Variants in DALRD3 observed in about 807,000 individuals in gnomAD.
DALRD3 encodes DALR anticodon binding domain containing 3, also known as DALR anticodon-binding domain-containing protein 3.
In DALRD3, 47 loss-of-function variants were observed where a neutral mutation model predicts 56.7. The ratio of observed to expected loss-of-function variants is 0.83; its 90% CI spans 0.66 to 1.06. The LOEUF (loss-of-function observed/expected upper bound fraction) is 1.06. Ranked by LOEUF, DALRD3 falls within the 50% of genes least tolerant of loss-of-function variation. The probability of loss-of-function intolerance (pLI) is 0.00; values close to 1 mark genes in which losing one functional copy is unlikely to be tolerated. For missense variants in DALRD3, 787 were observed against 724.0 expected, an observed-to-expected ratio of 1.09 and a Z score of -1.00; for synonymous variants, 347 against 308.5, an observed-to-expected ratio of 1.12 and a Z score of -1.31.
chr3:49,018,644 G>C, upstream of DALRD3: 2 of 1,446,882 alleles, frequency 1.4e-6, no homozygotes. Context: ...AGCTGGGGCG[G>C]GGATGCGGCG....
rs1052746715 is a variant in DALRD3 at position 49,018,265 on chromosome 3, G to A, written c.219C>T (p.Ala73=). The change falls in exon 2 of 12, where the codon GCC becomes GCT. Residue 73 remains alanine, a synonymous_variant. Coordinates refer to ENST00000341949, the MANE Select transcript of DALRD3 (RefSeq NM_001009996.3). Reference sequence around the variant, plus strand: ...GGGTCGGCGCGCAGCGCAGCACCGGGGCCACACCGGGGCCCTGCAGGCAGG... The same window carrying A: ...GGGTCGGCGCGCAGCGCAGCACCGGAGCCACACCGGGGCCCTGCAGGCAGG... The part of the protein sequence containing the change: ...ALACLQGPGV[A]PVLRCAPTPA... The A allele has an allele frequency of 6.9e-7, 1 of 1,443,158 alleles. No individual in the cohort carries two copies. The highest frequency in any genetic ancestry group is 1.5e-5 in the South Asian group (1 of 67,926). 89.4% of individuals were successfully genotyped at this position (1,443,158 alleles called of 1,614,324 possible). A position where few individuals can be genotyped will look rare whatever the true frequency, so the allele number is the denominator to read the frequency against.
Position 49,016,516 on chromosome 3 carries a change from G to A in DALRD3, c.1064-5C>T. 1 of 1,613,288 alleles carries A rather than the reference G, an allele frequency of 6.2e-7. No individual in the cohort carries two copies. The highest frequency in any genetic ancestry group is 8.5e-7 in the Non-Finnish European group (1 of 1,179,618). ...AGATCTCTGTCCAGGCTGGGTCTGA[G>A]GGAGTATAGGGTTGGTCAGTCAGTC... On this transcript the variant is annotated splice_polypyrimidine_tract_variant and splice_region_variant and intron_variant, in intron 7 of 11. Coordinates refer to ENST00000341949, the MANE Select transcript of DALRD3 (RefSeq NM_001009996.3).
intron 5 of DALRD3, 161 bp from the exon 6 acceptor site, chr3:49,017,008 T>A: frequency 1.0e-6 from 1 of 973,588 alleles, no homozygotes; most frequent in Non-Finnish European, 1.5e-6. Flanking sequence ...TACGCATGGT[T>A]CATCCTTCTC....
upstream of DALRD3, chr3:49,021,415 C>T (rs577731135): frequency 6.5e-6 from 1 of 152,746 alleles, no homozygotes; most frequent in African/African-American, 2.4e-5. This position sits in a 1 kb window ranked among gnomAD's most constrained non-coding sequence, Gnocchi z 4.1. Flanking sequence ...GCTCCACGCG[C>T]TTCTACTTCA....
At chr3:49,019,874 C>A (rs950916728), upstream of DALRD3, among the ~76,000 whole-genome samples, 2 of 152,244 alleles carry the variant, frequency 1.3e-5, no homozygotes, top group Non-Finnish European at 2.9e-5. Context: ...ACGGGCCAAC[C>A]AAATAATGCG....
chr3:49,021,067 C>T (rs1289404561), upstream of DALRD3: 1 of 158,248 alleles, frequency 6.3e-6, no homozygotes, highest in African/African-American at 2.4e-5. The surrounding 1 kb of genome is among the most constrained non-coding windows in gnomAD (Gnocchi z 4.1). Context: ...GGGACACCCC[C>T]GCGCTCGGTG....
Position 49,016,480 on chromosome 3 carries a change from G to C in DALRD3, c.1095C>G (p.Leu365=), listed in dbSNP as rs778924961. The C allele has an allele frequency of 3.0e-5, 49 of 1,614,060 alleles. No individual in the cohort carries two copies. Among genetic ancestry groups the C allele is most frequent in the Non-Finnish European group, 4.2e-5 (49 of 1,179,986 alleles). ...TCTCAAACTTGATGGTGGCCACAGAGAGAACACCAAAGATCTCTGTCCAGG... is the reference window on the plus strand; with the variant it reads ...TCTCAAACTTGATGGTGGCCACAGACAGAACACCAAAGATCTCTGTCCAGG... ...DPAWTEIFGV[L]SVATIKFEML... The change falls in exon 8 of 12, where the codon CTC becomes CTG. Residue 365 remains leucine (L), a synonymous_variant. Transcript: ENST00000341949.
chr3:49,016,141 C>T lies in DALRD3; in HGVS notation c.1329+17G>A, dbSNP rs1453251344. 8.1e-6 allele frequency: 13 copies of T among 1,612,680 alleles called. No individual in the cohort carries two copies. The highest frequency in any genetic ancestry group is 1.1e-5 in the Non-Finnish European group (13 of 1,178,964). On this transcript the variant is annotated intron_variant, in intron 9 of 11. Coordinates refer to ENST00000341949, the MANE Select transcript of DALRD3 (RefSeq NM_001009996.3). ...AGTCCAGGCCTCCTTGTGCCAGCTACCAGGAGGGACACTCACCTCATCATG... is the reference window on the plus strand; with the variant it reads ...AGTCCAGGCCTCCTTGTGCCAGCTATCAGGAGGGACACTCACCTCATCATG...
chr3:49,017,012 CCTT>C, intron 5 of DALRD3, 165 bp from the exon 6 acceptor site: 1 of 959,410 alleles, frequency 1.0e-6, no homozygotes, highest in Non-Finnish European at 1.6e-6. Context: ...CATGGTTCAT[CCTT>C]CTCAACCTGG....
upstream of DALRD3, chr3:49,020,590 G>T (rs764070771): frequency 2.1e-6 from 1 of 476,508 alleles, no homozygotes; most frequent in South Asian, 1.5e-5. Flanking sequence ...GGGGTCAGGG[G>T]CACCCCATCT....
chr3:49,017,493 CAG>C lies in DALRD3; in HGVS notation c.737_738del (p.Ser246CysfsTer4), dbSNP rs753788025. 5.6e-6 allele frequency: 9 copies of C among 1,613,998 alleles called. No homozygotes were observed. The highest frequency in any genetic ancestry group is 5.9e-6 in the Non-Finnish European group (7 of 1,180,046). ...AGAGCCTCTTGCAGCTCAGCCAGCA[CAG>C]AGAGGAGATCCTCAGTCACTGAAAA... is the stretch of plus-strand genomic sequence containing the variant. ...DNCLVTEDLLSVLAELQEALW... is the reference protein window; with the variant it reads ...DNCLVTEDLLXVLAELQEALW... On this transcript the variant is annotated frameshift_variant, in exon 4 of 12. Coordinates refer to ENST00000341949, the MANE Select transcript of DALRD3 (RefSeq NM_001009996.3). LOFTEE classifies it high-confidence loss of function.
In DALRD3 at chr3:49,018,455, GA is replaced by G; in HGVS notation, c.109del (p.Ser37ProfsTer98). 1 of 1,589,558 alleles carries G rather than the reference GA, an allele frequency of 6.3e-7. No homozygotes were observed. The highest frequency in any genetic ancestry group is 8.6e-7 in the Non-Finnish European group (1 of 1,168,494). Reference sequence around the variant, plus strand: ...GCGGTGCGGTGCCAGAAAGTCTCGGGAACGCAGGTGGCGGGTGCGCGTCTCC... The same window carrying G: ...GCGGTGCGGTGCCAGAAAGTCTCGGGACGCAGGTGGCGGGTGCGCGTCTCC... ...IKETRTRHLR[S>X]RDFLAPHRAL... is the part of the protein sequence containing the mutation. On this transcript the variant is annotated frameshift_variant, in exon 1 of 12. Transcript: ENST00000341949. LOFTEE classifies it high-confidence loss of function.
upstream of DALRD3, chr3:49,019,119 G>A: frequency 2.5e-6 from 2 of 785,868 alleles, no homozygotes; most frequent in Non-Finnish European, 3.1e-6. Context: ...TGTCTCCCAG[G>A]CTGGAGTGCA....
chr3:49,020,072 C>T (rs890384087), upstream of DALRD3: 16 of 522,664 alleles, frequency 3.1e-5, no homozygotes, highest in Non-Finnish European at 5.5e-5. Flanking sequence ...ATCCGGAGAG[C>T]AGGGAAACCC....
Position 49,018,519 on chromosome 3 carries a change from T to C in DALRD3, c.46A>G (p.Asn16Asp). ...GGACCGCCTGGCCCCAGGGCCGCGT[T>C]GAGGGCCCCCAGCGTCTCCCCGACC... The part of the protein sequence containing the change: ...LGVGETLGAL[N>D]AALGPGGPVW... Residue 16 changes from asparagine (N) to aspartate (D), a missense_variant, in exon 1 of 12, where the codon AAC becomes GAC. Physicochemically the swap from Asn to Asp is conservative, Grantham distance 23. Transcript: ENST00000341949. 1 of 1,585,506 alleles carries C rather than the reference T, an allele frequency of 6.3e-7. No individual in the cohort carries two copies. Among genetic ancestry groups the C allele is most frequent in the Non-Finnish European group, 8.6e-7 (1 of 1,165,830 alleles).
Position 49,017,611 on chromosome 3 carries a change from A to G in DALRD3, c.718+2T>C, listed in dbSNP as rs1303715389. On this transcript the variant is annotated splice_donor_variant, in intron 3 of 11. Coordinates refer to ENST00000341949, the MANE Select transcript of DALRD3 (RefSeq NM_001009996.3). LOFTEE classifies it high-confidence loss of function. ...CTGGCCCTGCTAGGCTTCAGGTCCT[A>G]CCCAGACAGTTGTCCAGGTTGGGGT... 6.2e-7 allele frequency: 1 copy of G among 1,614,122 alleles called. No homozygotes were observed. Among genetic ancestry groups the G allele is most frequent in the Admixed American group, 1.7e-5 (1 of 60,028 alleles).
chr3:49,017,349 G>C lies in DALRD3; in HGVS notation c.806C>G (p.Ala269Gly). 1 of 1,614,192 alleles carries C rather than the reference G, an allele frequency of 6.2e-7. No homozygotes were observed. Among genetic ancestry groups the C allele is most frequent in the Non-Finnish European group, 8.5e-7 (1 of 1,180,038 alleles). ...GCAGCCGCCTGTACCAGTATCTGAG[G>C]CCCCAGCCTAAGGGAGGACAATCAT... is the stretch of plus-strand genomic sequence containing the variant. ...PEDSHPGLAG[A>G]SDTGTGGCLV... Residue 269 changes from alanine to glycine, a missense_variant, in exon 5 of 12, where the codon GCC becomes GGC. Coordinates refer to ENST00000341949, the MANE Select transcript of DALRD3 (RefSeq NM_001009996.3).
upstream of DALRD3, among the ~76,000 whole-genome samples, chr3:49,019,519 G>GC (rs2093133511): frequency 7.2e-6 from 1 of 138,258 alleles, no homozygotes; most frequent in South Asian, 2.3e-4. Flanking sequence ...CGCTCCTGTT[G>GC]CCCAGGCTGG....
At position 49,017,881 on chromosome 3, in the gene DALRD3, G is replaced by A. The variant is rs1212150763; in HGVS notation, c.462-12C>T. On this transcript the variant is annotated splice_polypyrimidine_tract_variant and intron_variant, in intron 2 of 11. Transcript: ENST00000341949. ...GGCGCACGCACACCCTGCGAAGGGA[G>A]GGCGGCCGCCTCAGTCTGAGCACCT... 2 of 1,584,768 alleles carry A rather than the reference G, an allele frequency of 1.3e-6. No individual in the cohort carries two copies. The highest frequency in any genetic ancestry group is 1.1e-5 in the South Asian group (1 of 89,598).
Sources: gnomAD v4.1 joint callset for allele counts (sites outside exome capture counted in the v4.1 genomes callset) on GRCh38, gnomAD v4.1.1 for gene constraint, Gnocchi (gnomAD v3.1) non-coding constraint, MANE v1.5 for transcripts, NCBI Gene and HGNC (gene_info 2026-07-23, HGNC 2026-07-21) for gene names.